The following STPG2 variants were observed in gnomAD, a reference collection of about 807,000 sequenced individuals.
The protein encoded by STPG2 is sperm-tail PG-rich repeat-containing protein 2.
Under a neutral mutation model 54.2 loss-of-function variants are expected in STPG2, and 56 were observed. The ratio of observed to expected loss-of-function variants is 1.03; its 90% CI spans 0.83 to 1.29. The LOEUF (loss-of-function observed/expected upper bound fraction) is 1.29. Ranked by LOEUF, STPG2 falls within the 50% of genes most tolerant of loss-of-function variation. The pLI, the probability that STPG2 is intolerant of heterozygous loss-of-function variation, is 0.00. For missense variants in STPG2, 596 were observed against 544.9 expected (o/e 1.09, Z -0.93); for synonymous variants, 200 against 181.8 (o/e 1.10, Z -0.81).
intron 4 of STPG2, among the ~76,000 whole-genome samples, chr4:97,447,072 TG>T (rs1729241227): frequency 6.6e-6 from 1 of 152,186 alleles, no homozygotes; most frequent in Non-Finnish European, 1.5e-5. Context: ...GATAGTGATG[TG>T]GACAATGAAG....
chr4:97,801,488 G>C (rs1189012502), intron 9 of STPG2, among the ~76,000 whole-genome samples: 3 of 152,126 alleles, frequency 2.0e-5, no homozygotes, highest in Non-Finnish European at 4.4e-5. Flanking sequence ...GGTATTTGAA[G>C]AACTTGCACA....
Position 97,648,468 on chromosome 4 carries a change from C to G in STPG2, c.1320+64231G>C, listed in dbSNP as rs553826158. Among the ~76,000 whole-genome samples, 4 of 152,240 alleles carry G rather than the reference C, an allele frequency of 2.6e-5. No homozygotes were observed. In the South Asian group the frequency reaches 8.3e-4, roughly 31 times the overall value. On this transcript the variant is annotated intron_variant, in intron 10 of 10. Coordinates refer to ENST00000295268, the MANE Select transcript of STPG2 (RefSeq NM_174952.3). ...GTCTTAACTTCCTGAAAGGTTTGGA[C>G]CACTTACTATCAGTGTTTGTGTTTA...
intron 9 of STPG2, among the ~76,000 whole-genome samples, chr4:97,780,784 A>G (rs1024602465): frequency 4.6e-5 from 7 of 152,116 alleles, no homozygotes; most frequent in African/African-American, 1.7e-4. Flanking sequence ...AACTCACTCA[A>G]AACTGCTCAA....
intron 4 of STPG2, among the ~76,000 whole-genome samples, chr4:97,477,726 G>A (rs1046904871): frequency 1.9e-4 from 29 of 151,124 alleles, no homozygotes; most frequent in African/African-American, 6.8e-4. Flanking sequence ...TCCTGACCTC[G>A]TGATCTGCCT....
At chr4:97,447,938 G>A (rs957817543) in intron 4 of STPG2, among the ~76,000 whole-genome samples, 1 of 152,150 alleles carries the variant, frequency 6.6e-6, no homozygotes, top group African/African-American at 2.4e-5. Context: ...TGGGAAAGCT[G>A]CAGGCACTCA....
intron 5 of STPG2, among the ~76,000 whole-genome samples, chr4:98,001,543 T>G (rs1459503264): frequency 1.3e-5 from 2 of 151,946 alleles, no homozygotes; most frequent in Non-Finnish European, 2.9e-5. Flanking sequence ...CACAGACAAT[T>G]AAACACATCC....
Position 97,465,731 on chromosome 4 carries a change from A to G in STPG2, c.462+246968T>C, listed in dbSNP as rs556476716. On this transcript the variant is annotated intron_variant, in intron 4 of 4. Transcript: ENST00000522676. ...TAGATTACTTATAATACCTAATACAATGTGAATGTTATATAAATAGTCATT... is the reference window on the plus strand; with the variant it reads ...TAGATTACTTATAATACCTAATACAGTGTGAATGTTATATAAATAGTCATT... 2.2e-3 allele frequency among the ~76,000 whole-genome samples: 335 copies of G among 152,128 alleles called. 1 individual carries two copies. The highest frequency in any genetic ancestry group is 4.3e-3 in the Non-Finnish European group (289 of 67,966).
intron 5 of STPG2, among the ~76,000 whole-genome samples, chr4:98,043,818 T>C (rs1053547960): frequency 3.9e-5 from 6 of 152,120 alleles, no homozygotes; most frequent in Non-Finnish European, 5.9e-5. Flanking sequence ...GTGTGTGATA[T>C]AGGTAAACTC....
intron 4 of STPG2, among the ~76,000 whole-genome samples, chr4:97,443,115 C>T (rs1376688667): frequency 6.6e-6 from 1 of 152,070 alleles, no homozygotes; most frequent in Non-Finnish European, 1.5e-5. Flanking sequence ...TACAGACAAC[C>T]AAGTTTTGAA....
chr4:97,561,770 T>C lies in STPG2; in HGVS notation c.1321-2653A>G, dbSNP rs1011551903. Among the ~76,000 whole-genome samples, 10 of 152,310 alleles carry C rather than the reference T, an allele frequency of 6.6e-5. No homozygotes were observed. In the East Asian group the frequency reaches 9.6e-4, roughly 15 times the overall value. On this transcript the variant is annotated intron_variant, in intron 10 of 10. Transcript: ENST00000295268. The stretch of plus-strand genomic sequence containing the variant: ...AGTTGTAGATATGCAGCGTTATTTC[T>C]GGGGGCTAAGTTCTGTTCCATTGAT...
intron 4 of STPG2, among the ~76,000 whole-genome samples, chr4:97,445,740 A>G (rs1417479807): frequency 6.6e-6 from 1 of 152,060 alleles, no homozygotes; most frequent in Non-Finnish European, 1.5e-5. Context: ...TTGATCTACT[A>G]CTCTAATAAG....
chr4:97,846,646 A>C (rs1181481404), intron 8 of STPG2, among the ~76,000 whole-genome samples: 1 of 144,870 alleles, frequency 6.9e-6, no homozygotes, highest in Non-Finnish European at 1.5e-5. Context: ...AAAAAAAAAA[A>C]CACAGGAAGG....
chr4:97,867,372 G>A (rs1202583005), intron 8 of STPG2, among the ~76,000 whole-genome samples: 1 of 151,882 alleles, frequency 6.6e-6, no homozygotes, highest in Non-Finnish European at 1.5e-5. Context: ...AAAAATGTCA[G>A]CCATGACCTC....
At chr4:97,609,223 C>G (rs1263496499) in intron 10 of STPG2, among the ~76,000 whole-genome samples, 4 of 152,004 alleles carry the variant, frequency 2.6e-5, no homozygotes, top group Admixed American at 2.6e-4. Context: ...CAAAAATCCA[C>G]ACATTGTGCT....
At chr4:97,905,398 G>A (rs1013989859) in intron 8 of STPG2, among the ~76,000 whole-genome samples, 2 of 151,834 alleles carry the variant, frequency 1.3e-5, no homozygotes, top group African/African-American at 4.8e-5. Context: ...TTACAGACAA[G>A]CAAATGCTGA....
chr4:97,842,055 C>T (rs1212061355), intron 8 of STPG2, among the ~76,000 whole-genome samples: 1 of 151,654 alleles, frequency 6.6e-6, no homozygotes, highest in African/African-American at 2.4e-5. Flanking sequence ...TTTTGAAGTC[C>T]CTCTAGGAGC....
chr4:97,575,025 T>C (rs983770110), intron 10 of STPG2, among the ~76,000 whole-genome samples: 1 of 151,364 alleles, frequency 6.6e-6, no homozygotes, highest in Non-Finnish European at 1.5e-5. Context: ...GAATACAAAC[T>C]AGACAATTCA....
chr4:97,525,276 C>A (rs1578361766), intron 4 of STPG2, among the ~76,000 whole-genome samples: 1 of 151,704 alleles, frequency 6.6e-6, no homozygotes, highest in Non-Finnish European at 1.5e-5. Context: ...TTGCAAAGAA[C>A]CATCACAAAA....
At chr4:97,737,025 C>T (rs142057702) in intron 9 of STPG2, among the ~76,000 whole-genome samples, 2,957 of 152,270 alleles carry the variant, frequency 0.019, 38 homozygotes, top group South Asian at 0.058. Context: ...TCCAGAGGAA[C>T]GACCAGACAG....
Sources: gnomAD v4.1 joint callset for allele counts (sites outside exome capture counted in the v4.1 genomes callset) on GRCh38, gnomAD v4.1.1 for gene constraint, MANE v1.5 for transcripts, NCBI Gene and HGNC (gene_info 2026-07-23, HGNC 2026-07-21) for gene names.